Variants in DEAF1 observed in about 807,000 individuals in gnomAD.
DEAF1 encodes the protein deformed epidermal autoregulatory factor 1 homolog.
A neutral mutation model predicts 58.9 loss-of-function variants in DEAF1; 53 were observed. The observed-to-expected ratio is 0.90, with a 90% CI of 0.72 to 1.13. DEAF1 has a LOEUF of 1.13. DEAF1 is among the 50% of genes most tolerant of loss of function. The pLI, the probability that DEAF1 is intolerant of heterozygous loss-of-function variation, is 0.00. For missense variants in DEAF1, 685 were observed against 791.4 expected (o/e 0.87, Z 1.61); for synonymous variants, 385 against 340.4 (o/e 1.13, Z -1.44).
intron 11 of DEAF1, among the ~76,000 whole-genome samples, chr11:647,342 C>G (rs1431148542): frequency 6.6e-6 from 1 of 151,954 alleles, no homozygotes; most frequent in Non-Finnish European, 1.5e-5. Context: ...TAATCCCCAG[C>G]TACTAGGGAG....
chr11:681,956 G>T (rs991462319), intron 6 of DEAF1, among the ~76,000 whole-genome samples: 1 of 152,194 alleles, frequency 6.6e-6, no homozygotes, highest in African/African-American at 2.4e-5. Flanking sequence ...CTTTTGTTAA[G>T]AATCAGACAC....
chr11:673,313 G>A (rs1349513723), intron 10 of DEAF1, among the ~76,000 whole-genome samples: 2 of 152,126 alleles, frequency 1.3e-5, no homozygotes, highest in African/African-American at 2.4e-5. Flanking sequence ...GATCACCTGA[G>A]CTCAGGAGTG....
intron 1 of DEAF1, chr11:701,052 C>A: frequency 2.8e-6 from 1 of 359,570 alleles, no homozygotes; most frequent in South Asian, 2.7e-5. Flanking sequence ...TTCCCCTTGC[C>A]CTTAGCTGTC....
chr11:681,661 C>T (rs1031049047), intron 6 of DEAF1, among the ~76,000 whole-genome samples: 5 of 152,050 alleles, frequency 3.3e-5, no homozygotes, highest in Admixed American at 2.0e-4. Context: ...CTGCCCACCT[C>T]GGCCTCCCAA....
In DEAF1 at chr11:688,364, C is replaced by G. The variant is rs141368610; in HGVS notation, c.484G>C (p.Gly162Arg). 6.2e-7 allele frequency: 1 copy of G among 1,613,850 alleles called. No homozygotes were observed. Among genetic ancestry groups the G allele is most frequent in the South Asian group, 1.1e-5 (1 of 91,086 alleles). Residue 162 changes from glycine (G) to arginine (R), a missense_variant, in exon 3 of 12, where the codon GGG (glycine) becomes CGG (arginine). Gly to Arg is a moderately radical substitution (Grantham distance 125). Coordinates refer to ENST00000382409, the MANE Select transcript of DEAF1 (RefSeq NM_021008.4). The surrounding 1 kb of genome is among the most constrained non-coding windows in gnomAD (Gnocchi z 4.3). ...HTDGSIVETT[G>R]LKGPAAPLTP... Reference sequence around the variant, plus strand: ...AGGGGAGCTGCCGGGCCTTTCAGCCCGGTGGTCTCCACGATGCTCCCATCT... The same window carrying G: ...AGGGGAGCTGCCGGGCCTTTCAGCCGGGTGGTCTCCACGATGCTCCCATCT...
At chr11:704,003 T>G in intron 1 of DEAF1, 1 of 1,218,066 alleles carries the variant, frequency 8.2e-7, no homozygotes, top group Non-Finnish European at 1.0e-6. Context: ...TCTAAGCTGT[T>G]ACAGTAGCTT....
intron 10 of DEAF1, among the ~76,000 whole-genome samples, chr11:666,899 A>T (rs1205416161): frequency 6.7e-6 from 1 of 149,064 alleles, no homozygotes; most frequent in South Asian, 2.1e-4. Flanking sequence ...AAAAAAAAAG[A>T]AAAAAAGAAA....
rs766952063 is a variant in DEAF1 at position 644,514 on chromosome 11, C to T, written c.*36G>A. 26 of 1,565,846 alleles carry T rather than the reference C, an allele frequency of 1.7e-5. No individual in the cohort carries two copies. The highest frequency in any genetic ancestry group is 1.8e-4 in the Middle Eastern group (1 of 5,574). ...GACCTGCAAAAGCCTCACAGGAGTG[C>T]GAGGGGCCCCAGCTCCCAGGGCGGC... is the stretch of plus-strand genomic sequence containing the variant. On this transcript the variant is annotated 3_prime_UTR_variant, in exon 12 of 12. Transcript: ENST00000382409. This position sits in a 1 kb window ranked among gnomAD's most constrained non-coding sequence, Gnocchi z 4.3.
At chr11:703,085 C>T in intron 1 of DEAF1, 1 of 1,612,242 alleles carries the variant, frequency 6.2e-7, no homozygotes, top group Non-Finnish European at 8.5e-7. Flanking sequence ...CAGCGCCACG[C>T]TCCTGGCCCT....
At position 678,708 on chromosome 11, in the gene DEAF1, G is replaced by A. The variant is rs1028176154; in HGVS notation, c.1241C>T (p.Ser414Leu). The A allele has an allele frequency of 6.2e-7, 1 of 1,614,188 alleles. No individual in the cohort carries two copies. Among genetic ancestry groups the A allele is most frequent in the African/African-American group, 1.3e-5 (1 of 75,050 alleles). ...TTCAAACCTACCTATTTTGGGATGTGACGTTGGCAACGCAGCTTCTGGAAA... is the reference window on the plus strand; with the variant it reads ...TTCAAACCTACCTATTTTGGGATGTAACGTTGGCAACGCAGCTTCTGGAAA... ...APFPEAALPT[S>L]HPKIVLTSLP... is the part of the protein sequence containing the mutation. The change falls in exon 9 of 12, where the codon TCA becomes TTA. Residue 414 changes from serine to leucine, a missense_variant. By Grantham distance (145) the Ser-to-Leu change is moderately radical. Around this residue, in one of 3 missense-constraint regions of DEAF1, gnomAD observed 343 missense variants for 379.8 expected, o/e 0.90. Coordinates refer to ENST00000382409, the MANE Select transcript of DEAF1 (RefSeq NM_021008.4).
chr11:650,841 C>T (rs1245033362), intron 11 of DEAF1, among the ~76,000 whole-genome samples: 1 of 152,022 alleles, frequency 6.6e-6, no homozygotes, highest in African/African-American at 2.4e-5. Flanking sequence ...GTAGAGGCTG[C>T]CGTGAGTCAA....
intron 6 of DEAF1, among the ~76,000 whole-genome samples, chr11:681,976 T>A (rs1353813833): frequency 3.3e-5 from 5 of 152,242 alleles, no homozygotes; most frequent in Non-Finnish European, 5.9e-5. Flanking sequence ...CCGCAGGTGA[T>A]ACATTGTAGC....
chr11:684,092 A>AC (rs995564929), intron 6 of DEAF1, among the ~76,000 whole-genome samples: 2 of 150,588 alleles, frequency 1.3e-5, no homozygotes, highest in Non-Finnish European at 2.9e-5. Flanking sequence ...TTAGTGTTTC[A>AC]CCCCAAGAAC....
At chr11:704,185 G>GTGGGGTGTGCTCTCTTGC in intron 1 of DEAF1, 1 of 1,064,902 alleles carries the variant, frequency 9.4e-7, no homozygotes, top group Non-Finnish European at 1.2e-6. Flanking sequence ...TGCCCTGCAA[G>GTGGGGTGTGCTCTCTTGC]AGAGCACACC....
chr11:701,186 CCTA>C, intron 1 of DEAF1: 1 of 181,772 alleles, frequency 5.5e-6, no homozygotes, highest in African/African-American at 2.4e-5. Context: ...CTTCCAGTGA[CCTA>C]CTTTTTTTGA....
upstream of DEAF1, chr11:699,220 TTTTG>T (rs1348589376): frequency 2.4e-6 from 1 of 414,544 alleles, no homozygotes; most frequent in African/African-American, 2.0e-5. Context: ...TTTATTTTAT[TTTTG>T]TTTGTTTATG....
chr11:703,382 A>G (rs1861588528), intron 1 of DEAF1: 1 of 1,374,600 alleles, frequency 7.3e-7, no homozygotes, highest in Non-Finnish European at 9.4e-7. Flanking sequence ...GGGACCAGAC[A>G]GAACTGCCTT....
At chr11:665,628 T>C (rs1229231368) in intron 10 of DEAF1, among the ~76,000 whole-genome samples, 1 of 152,122 alleles carries the variant, frequency 6.6e-6, no homozygotes, top group Non-Finnish European at 1.5e-5. Flanking sequence ...CTAATAAAAT[T>C]CAAAGCCCAG....
chr11:696,849 G>T (rs1344522733), upstream of DEAF1, among the ~76,000 whole-genome samples: 2 of 151,876 alleles, frequency 1.3e-5, no homozygotes, highest in Non-Finnish European at 2.9e-5. Context: ...GGAGGCCAAA[G>T]CGGGCGGATC....
Sources: gnomAD v4.1 joint callset for allele counts (sites outside exome capture counted in the v4.1 genomes callset) on GRCh38, gnomAD v4.1.1 for gene constraint, gnomAD v4.1.1 regional missense constraint, Gnocchi (gnomAD v3.1) non-coding constraint, MANE v1.5 for transcripts, NCBI Gene and HGNC (gene_info 2026-07-23, HGNC 2026-07-21) for gene names.